The following MOB3B variants were observed in gnomAD, a reference collection of about 807,000 sequenced individuals.
MOB3B encodes the protein MOB kinase activator 3B, also known as MOB kinase activator-like 2B.
Under a neutral mutation model 18.7 loss-of-function variants are expected in MOB3B, and 7 were observed. That is an observed-to-expected ratio of 0.37 (90% CI 0.21 to 0.70). The LOEUF (loss-of-function observed/expected upper bound fraction) is 0.70. Ranked by LOEUF, MOB3B falls within the 30% of genes least tolerant of loss-of-function variation. The probability of loss-of-function intolerance (pLI) is 0.52; values close to 1 mark genes in which losing one functional copy is unlikely to be tolerated. For missense variants in MOB3B, 253 were observed against 281.3 expected (o/e 0.90, Z 0.72); for synonymous variants, 111 against 99.9 (o/e 1.11, Z -0.66).
chr9:27,335,525 T>G (rs934578233), intron 3 of MOB3B, among the ~76,000 whole-genome samples: 1 of 152,208 alleles, frequency 6.6e-6, no homozygotes, highest in Non-Finnish European at 1.5e-5. Flanking sequence ...ACTCCATTAA[T>G]GGCTTTCAGT....
At chr9:27,495,757 T>A (rs1396455342) in intron 1 of MOB3B, among the ~76,000 whole-genome samples, 1 of 152,216 alleles carries the variant, frequency 6.6e-6, no homozygotes, top group Non-Finnish European at 1.5e-5. Flanking sequence ...ATTACCAGTA[T>A]TGAGAGTATT....
chr9:27,501,578 C>T (rs1819991728), intron 1 of MOB3B, among the ~76,000 whole-genome samples: 1 of 144,468 alleles, frequency 6.9e-6, no homozygotes, highest in Non-Finnish European at 1.5e-5. Context: ...GGGAGAGGAA[C>T]ATCACACACC....
At chr9:27,437,342 G>A (rs1822525153) in intron 2 of MOB3B, among the ~76,000 whole-genome samples, 1 of 152,126 alleles carries the variant, frequency 6.6e-6, no homozygotes, top group Non-Finnish European at 1.5e-5. Context: ...TAGTTCTAAT[G>A]TTCTAAACTC....
chr9:27,524,393 T>C (rs1036584180), intron 1 of MOB3B: 10 of 1,613,606 alleles, frequency 6.2e-6, no homozygotes, highest in Non-Finnish European at 8.5e-6. Context: ...TCCTTATGGG[T>C]ATATTCATTG....
At chr9:27,420,735 C>G (rs1163824698) in intron 2 of MOB3B, among the ~76,000 whole-genome samples, 1 of 150,496 alleles carries the variant, frequency 6.6e-6, no homozygotes, top group Non-Finnish European at 1.5e-5. Context: ...TATGTGGGAG[C>G]TAAGCTATGA....
intron 2 of MOB3B, among the ~76,000 whole-genome samples, chr9:27,395,099 A>G (rs1339017343): frequency 6.6e-6 from 1 of 152,210 alleles, no homozygotes; most frequent in Non-Finnish European, 1.5e-5. Flanking sequence ...GGGGGTGGAG[A>G]AAAGGTCATC....
chr9:27,480,325 A>G (rs975719432), intron 1 of MOB3B, among the ~76,000 whole-genome samples: 1 of 139,706 alleles, frequency 7.2e-6, no homozygotes, highest in Admixed American at 7.4e-5. Context: ...TTTGAGACGG[A>G]GTCTCGCTCT....
At chr9:27,350,832 A>G (rs565208140) in intron 3 of MOB3B, among the ~76,000 whole-genome samples, 2 of 151,564 alleles carry the variant, frequency 1.3e-5, no homozygotes, top group East Asian at 1.9e-4. Flanking sequence ...GCAAAGCCCC[A>G]TGAATGCACA....
At chr9:27,496,301 C>T (rs1363925984) in intron 1 of MOB3B, among the ~76,000 whole-genome samples, 1 of 137,502 alleles carries the variant, frequency 7.3e-6, no homozygotes, top group Non-Finnish European at 1.7e-5. Context: ...ACCTGTTAAA[C>T]TCAGAAGGAC....
intron 2 of MOB3B, among the ~76,000 whole-genome samples, chr9:27,445,106 A>G (rs10812596): frequency 0.29 from 44,351 of 152,082 alleles, 6,816 homozygotes; most frequent in East Asian, 0.54. Flanking sequence ...AAATTCTCCT[A>G]TGTAATCAAG....
chr9:27,342,141 G>A (rs564103058), intron 3 of MOB3B, among the ~76,000 whole-genome samples: 4 of 152,188 alleles, frequency 2.6e-5, no homozygotes, highest in African/African-American at 4.8e-5. Context: ...GACAGAGCCC[G>A]GCATTTAGCA....
rs1039530378 is a variant in MOB3B at position 27,365,099 on chromosome 9, C to T, written c.419-5863G>A. On this transcript the variant is annotated intron_variant, in intron 2 of 3. Coordinates refer to ENST00000262244, the MANE Select transcript of MOB3B (RefSeq NM_024761.5). ...AATACTTCATCGATCAAAATTGAAT[C>T]AGAAAAGAGCAGTGGTCTTATTTAG... Among the ~76,000 whole-genome samples the T allele has an allele frequency of 2.1e-5, 3 of 142,002 alleles. No individual in the cohort carries two copies. The Admixed American group carries it at 2.3e-4, about 11-fold the overall frequency. 93.2% of individuals were successfully genotyped at this position (142,002 alleles called of 152,430 possible). A position where few individuals can be genotyped will look rare whatever the true frequency, so the allele number is the denominator to read the frequency against.
chr9:27,438,419 G>A (rs569391710), intron 2 of MOB3B, among the ~76,000 whole-genome samples: 83 of 152,320 alleles, frequency 5.4e-4, no homozygotes, highest in African/African-American at 2.0e-3. Context: ...TCAGCTGAAG[G>A]AGGCTCAGGA....
chr9:27,417,199 T>TA (rs1822164291), intron 2 of MOB3B, among the ~76,000 whole-genome samples: 1 of 151,874 alleles, frequency 6.6e-6, no homozygotes, highest in Admixed American at 6.6e-5. Flanking sequence ...CCGTCTCTAC[T>TA]AAAAAATACA....
In MOB3B at chr9:27,390,390, C is replaced by T. The variant is rs545164943; in HGVS notation, c.419-31154G>A. Among the ~76,000 whole-genome samples the T allele has an allele frequency of 1.4e-3, 217 of 152,282 alleles. 1 individual carries two copies. The highest frequency in any genetic ancestry group is 3.4e-3 in the Middle Eastern group (1 of 294). On this transcript the variant is annotated intron_variant, in intron 2 of 3. Coordinates refer to ENST00000262244, the MANE Select transcript of MOB3B (RefSeq NM_024761.5). Reference sequence around the variant, plus strand: ...CTAATTTTTGTATTTTTAGTAGAGACGGGGTTTTGCCATGTTGACCAGGTT... The same window carrying T: ...CTAATTTTTGTATTTTTAGTAGAGATGGGGTTTTGCCATGTTGACCAGGTT...
At chr9:27,481,520 GTTTTTT>G (rs1224985717) in intron 1 of MOB3B, among the ~76,000 whole-genome samples, 38 of 91,734 alleles carry the variant, frequency 4.1e-4, no homozygotes, top group Middle Eastern at 5.3e-3. Context: ...TGTTTTTTTT[GTTTTTT>G]TTTTTTTTTG....
rs74449229 is a variant in MOB3B at position 27,501,997 on chromosome 9, G to A, written c.-199+27558C>T. ...AAAAACACTCACTCTCAACAAAAAG[G>A]GCAAAGACTAGAATCTGACCCTGTT... On this transcript the variant is annotated intron_variant, in intron 1 of 3. Coordinates refer to ENST00000262244, the MANE Select transcript of MOB3B (RefSeq NM_024761.5). Among the ~76,000 whole-genome samples the A allele has an allele frequency of 3.7e-4, 56 of 152,128 alleles. 1 individual carries two copies. The East Asian group carries it at 0.01, about 28-fold the overall frequency.
chr9:27,502,195 T>C (rs529964483), intron 1 of MOB3B, among the ~76,000 whole-genome samples: 1 of 152,344 alleles, frequency 6.6e-6, no homozygotes, highest in East Asian at 1.9e-4. Context: ...AAAGAGACAA[T>C]GAGCGAATTC....
intron 3 of MOB3B, among the ~76,000 whole-genome samples, chr9:27,338,592 A>G (rs1293826755): frequency 2.6e-5 from 4 of 152,214 alleles, no homozygotes; most frequent in Non-Finnish European, 5.9e-5. Flanking sequence ...AAACAAGCAA[A>G]TACAAAACAT....
Sources: gnomAD v4.1 joint callset for allele counts (sites outside exome capture counted in the v4.1 genomes callset) on GRCh38, gnomAD v4.1.1 for gene constraint, MANE v1.5 for transcripts, NCBI Gene and HGNC (gene_info 2026-07-23, HGNC 2026-07-21) for gene names.